The following NEDD9 variants were observed in gnomAD, a reference collection of about 807,000 sequenced individuals.
The protein encoded by NEDD9 is neural precursor cell expressed, developmentally down-regulated 9.
In NEDD9, 26 loss-of-function variants were observed where a neutral mutation model predicts 76.6. The ratio of observed to expected loss-of-function variants is 0.34; its 90% CI spans 0.25 to 0.47. The LOEUF (loss-of-function observed/expected upper bound fraction) is 0.47. Ranked by LOEUF, NEDD9 falls within the 20% of genes least tolerant of loss-of-function variation. The pLI is 1.00. For missense variants in NEDD9, 937 were observed against 1,058.5 expected, an observed-to-expected ratio of 0.89 and a Z score of 1.59; for synonymous variants, 392 against 414.2, an observed-to-expected ratio of 0.95 and a Z score of 0.65.
At chr6:11,308,843 C>A (rs1055405313) in intron 2 of NEDD9, among the ~76,000 whole-genome samples, 1 of 152,096 alleles carries the variant, frequency 6.6e-6, no homozygotes, top group African/African-American at 2.4e-5. Context: ...AGGCATTGAT[C>A]CTTTGTTTTA....
chr6:11,233,380 C>T (rs1174788825), upstream of NEDD9: 2 of 518,890 alleles, frequency 3.9e-6, no homozygotes, highest in African/African-American at 1.9e-5. Context: ...TATTGAGCGA[C>T]CTTCAGTGGC....
chr6:11,285,865 G>A (rs943327395), intron 3 of NEDD9, among the ~76,000 whole-genome samples: 1 of 152,042 alleles, frequency 6.6e-6, no homozygotes, highest in Non-Finnish European at 1.5e-5. Context: ...ATTCAAAGTG[G>A]ATCAGAAATA....
At chr6:11,337,616 A>T (rs1439111073) in intron 1 of NEDD9, among the ~76,000 whole-genome samples, 2 of 152,192 alleles carry the variant, frequency 1.3e-5, no homozygotes, top group Non-Finnish European at 2.9e-5. Flanking sequence ...GCATGCCTGC[A>T]TTATTTTATG....
intron 2 of NEDD9, among the ~76,000 whole-genome samples, chr6:11,316,615 TGC>T (rs1467836193): frequency 2.6e-5 from 4 of 152,172 alleles, no homozygotes; most frequent in Admixed American, 6.5e-5. Flanking sequence ...CACATTTTCT[TGC>T]ATAAGAATCA....
rs558090945 is a variant in NEDD9 at position 11,269,856 on chromosome 6, G to A, written c.12+36136C>T. ...CAAACAAACACTCTTGGGCGGATGC[G>A]GTGGCTCATGCCTGAATCCTAGCAC... On this transcript the variant is annotated intron_variant, in intron 3 of 3. Coordinates refer to the NEDD9 transcript ENST00000397378. Among the ~76,000 whole-genome samples the A allele has an allele frequency of 3.9e-4, 60 of 152,302 alleles. No individual in the cohort carries two copies. In the South Asian group the frequency reaches 0.011, roughly 28 times the overall value.
At chr6:11,223,327 G>A (rs532320845) in intron 1 of NEDD9, among the ~76,000 whole-genome samples, 1 of 152,096 alleles carries the variant, frequency 6.6e-6, no homozygotes, top group South Asian at 2.1e-4. Context: ...ATAAAAATAT[G>A]AGGAATCATG....
intron 2 of NEDD9, among the ~76,000 whole-genome samples, chr6:11,309,251 A>G (rs1204799835): frequency 6.6e-6 from 1 of 152,210 alleles, no homozygotes; most frequent in Non-Finnish European, 1.5e-5. Flanking sequence ...TGTAATTTGC[A>G]TTGCTGTATG....
chr6:11,247,148 C>T (rs1759826992), intron 3 of NEDD9, among the ~76,000 whole-genome samples: 1 of 152,210 alleles, frequency 6.6e-6, no homozygotes, highest in African/African-American at 2.4e-5. Context: ...ATCTCTCCCT[C>T]CTTCTGAATT....
chr6:11,353,388 G>A (rs570409605), intron 1 of NEDD9, among the ~76,000 whole-genome samples: 52 of 152,336 alleles, frequency 3.4e-4, no homozygotes, highest in Admixed American at 7.8e-4. Flanking sequence ...TGAAAGAGAC[G>A]CAGAGGGAGA....
At chr6:11,274,583 T>G (rs1271340527) in intron 3 of NEDD9, among the ~76,000 whole-genome samples, 1 of 152,190 alleles carries the variant, frequency 6.6e-6, no homozygotes, top group Non-Finnish European at 1.5e-5. Context: ...AGCACTGTAC[T>G]CTCTGTTGGG....
At chr6:11,200,306 C>T (rs1305412497) in intron 2 of NEDD9, 2 of 462,288 alleles carry the variant, frequency 4.3e-6, no homozygotes, top group Admixed American at 2.4e-5. Flanking sequence ...GTTGCCAGAA[C>T]AGCTCAAAGC....
rs561938749 is a variant in NEDD9, at chr6:11,248,931, G to A, written c.13-35204C>T. On this transcript the variant is annotated intron_variant, in intron 3 of 3. Transcript: ENST00000397378. The stretch of plus-strand genomic sequence containing the variant: ...CTCTCCTCCATCTGATCATTGAATA[G>A]TGATGTTCCTTAGGCCCTGCCTTCT... 43 of 362,426 alleles carry A rather than the reference G, an allele frequency of 1.2e-4. 1 individual carries two copies. The highest frequency in any genetic ancestry group is 8.9e-4 in the South Asian group (43 of 48,166). 22.5% of individuals were successfully genotyped at this position (362,426 alleles called of 1,614,324 possible).
chr6:11,317,429 A>T (rs546384348), intron 2 of NEDD9, among the ~76,000 whole-genome samples: 15 of 141,562 alleles, frequency 1.1e-4, no homozygotes, highest in East Asian at 8.3e-4. Context: ...AAAATAAATT[A>T]AAAAAAAAAA....
intron 3 of NEDD9, among the ~76,000 whole-genome samples, chr6:11,250,275 G>A (rs1262438621): frequency 1.3e-5 from 2 of 152,158 alleles, no homozygotes; most frequent in Non-Finnish European, 2.9e-5. Flanking sequence ...GAGAGTTAGA[G>A]CCCCCATGAC....
chr6:11,315,706 G>A (rs577065776), intron 2 of NEDD9, among the ~76,000 whole-genome samples: 51 of 152,266 alleles, frequency 3.3e-4, no homozygotes, highest in African/African-American at 1.2e-3. Flanking sequence ...AAATCCTCAG[G>A]TGTGTTTTAA....
intron 2 of NEDD9, among the ~76,000 whole-genome samples, chr6:11,196,980 A>G (rs1156436230): frequency 6.6e-6 from 1 of 152,128 alleles, no homozygotes; most frequent in Non-Finnish European, 1.5e-5. Flanking sequence ...CAAAGTCTCC[A>G]GTTTTGTGGT....
intron 3 of NEDD9, among the ~76,000 whole-genome samples, chr6:11,268,598 G>C (rs12213762): frequency 0.19 from 28,099 of 151,700 alleles, 2,875 homozygotes; most frequent in Middle Eastern, 0.28. Flanking sequence ...CGTGATGGCA[G>C]GCACCTGTAA....
At chr6:11,225,984 G>A (rs570428933) in intron 1 of NEDD9, among the ~76,000 whole-genome samples, 9 of 152,174 alleles carry the variant, frequency 5.9e-5, no homozygotes, top group Admixed American at 4.6e-4. Context: ...TGGAGTGCCC[G>A]TTCTATCTTC....
chr6:11,294,483 C>T lies in NEDD9; in HGVS notation c.12+11509G>A, dbSNP rs1158814635. ...CCTTTGCTCTCTCCCTCTCCTGTTC[C>T]AGCCATATAGGATGTGCTGGCTTCC... is the stretch of plus-strand genomic sequence containing the variant. On this transcript the variant is annotated intron_variant, in intron 3 of 3. Coordinates refer to the NEDD9 transcript ENST00000397378. Among the ~76,000 whole-genome samples, 3 of 152,036 alleles carry T rather than the reference C, an allele frequency of 2.0e-5. No homozygotes were observed. The East Asian group carries it at 5.8e-4, about 29-fold the overall frequency.
Sources: allele counts gnomAD v4.1 joint callset (sites outside exome capture counted in the v4.1 genomes callset), GRCh38; gene constraint gnomAD v4.1.1; transcripts MANE v1.5; gene names NCBI Gene and HGNC (gene_info 2026-07-23, HGNC 2026-07-21).